Variants in ROBO1 observed in about 807,000 individuals in gnomAD.
ROBO1 encodes the protein roundabout homolog 1.
A neutral mutation model predicts 195.9 loss-of-function variants in ROBO1; 149 were observed. That is an observed-to-expected ratio of 0.76 (90% CI 0.67 to 0.87). The LOEUF (loss-of-function observed/expected upper bound fraction) is 0.87, where lower values mean the gene tolerates loss of function less well. Ranked by LOEUF, ROBO1 falls within the 40% of genes least tolerant of loss-of-function variation. ROBO1 has a pLI of 0.00. For synonymous variants in ROBO1, 816 were observed against 733.2 expected (o/e 1.11, Z -1.82); for missense variants, 1,933 against 2,068.3 (o/e 0.93, Z 1.27).
intron 3 of ROBO1, among the ~76,000 whole-genome samples, chr3:79,044,858 C>A (rs1170026843): frequency 6.6e-6 from 1 of 151,770 alleles, no homozygotes; most frequent in Non-Finnish European, 1.5e-5. Flanking sequence ...AAGTTATTTG[C>A]CACTTGACCC....
rs534671444 is a variant in ROBO1, at chr3:79,756,544, C to T, written c.-51+11208G>A. ...CAGCCTGGGCAAAATGAGCGAAGCA[C>T]CATCTCAAAAAAAAAAAAAAAAAAA... On this transcript the variant is annotated intron_variant, in intron 1 of 30. Transcript: ENST00000464233. Among the ~76,000 whole-genome samples, 17 of 98,268 alleles carry T rather than the reference C, an allele frequency of 1.7e-4. No individual in the cohort carries two copies. In the East Asian group the frequency reaches 4.3e-3, roughly 25 times the overall value. 64.5% of individuals were successfully genotyped at this position (98,268 alleles called of 152,430 possible). A position where few individuals can be genotyped will look rare whatever the true frequency, so the allele number is the denominator to read the frequency against.
intron 2 of ROBO1, among the ~76,000 whole-genome samples, chr3:79,555,936 G>C (rs1165650378): frequency 6.6e-6 from 1 of 152,036 alleles, no homozygotes; most frequent in African/African-American, 2.4e-5. Context: ...AGTGTGCCAC[G>C]CATGCTTATG....
intron 2 of ROBO1, among the ~76,000 whole-genome samples, chr3:79,563,948 T>C (rs962629802): frequency 1.3e-5 from 2 of 151,930 alleles, no homozygotes; most frequent in African/African-American, 2.4e-5. Context: ...TTATGTAAAT[T>C]GACTCTAATA....
In ROBO1 at chr3:78,600,219, G is replaced by C; in HGVS notation, c.4835C>G (p.Ser1612Ter). ...SSSSSMSSRGSGSRQREQANV... is the reference protein window; with the variant it reads ...SSSSSMSSRG ...TGCTTGTTCTCTTTGTCTGCTTCCTGATCCTCTTGATGACATTGAGCTTGA... is the reference window on the plus strand; with the variant it reads ...TGCTTGTTCTCTTTGTCTGCTTCCTCATCCTCTTGATGACATTGAGCTTGA... Residue 1612 changes from serine (S) to a stop codon, truncating the protein, a stop_gained, in exon 30 of 31, where the codon TCA (serine) becomes TGA (stop). Coordinates refer to ENST00000464233, the MANE Select transcript of ROBO1 (RefSeq NM_002941.4). LOFTEE classifies it high-confidence loss of function. 1 of 1,613,394 alleles carries C rather than the reference G, an allele frequency of 6.2e-7. No homozygotes were observed. Among genetic ancestry groups the C allele is most frequent in the Non-Finnish European group, 8.5e-7 (1 of 1,179,474 alleles).
At chr3:79,243,614 T>C (rs2082565676) in intron 2 of ROBO1, among the ~76,000 whole-genome samples, 1 of 152,190 alleles carries the variant, frequency 6.6e-6, no homozygotes, top group Non-Finnish European at 1.5e-5. Context: ...ATGTGTCTTT[T>C]GGCTGCATAA....
In ROBO1 at chr3:79,125,470, G is replaced by C. The variant is rs531923100; in HGVS notation, c.158C>G (p.Ser53Trp). Residue 53 changes from serine (S) to tryptophan (W), a missense_variant, in exon 3 of 31, where the codon TCG (serine) becomes TGG (tryptophan). Transcript: ENST00000464233. ...AGACACTCTACCTGTATAGCCCAGC[G>C]AATTGTCATCGTTATCAGAGGTGGG... is the stretch of plus-strand genomic sequence containing the variant. ...PIPTSDNDDN[S>W]LGYTGSRLRQ... 8 of 1,613,438 alleles carry C rather than the reference G, an allele frequency of 5.0e-6. No individual in the cohort carries two copies. In the African/African-American group the frequency reaches 1.1e-4, roughly 22 times the overall value.
At chr3:79,118,144 A>G (rs1473772316) in intron 3 of ROBO1, among the ~76,000 whole-genome samples, 1 of 152,102 alleles carries the variant, frequency 6.6e-6, no homozygotes, top group African/African-American at 2.4e-5. Context: ...TTACTAGGTT[A>G]GTAGAGTCAT....
At chr3:78,658,075 G>C (rs1370053762) in intron 17 of ROBO1, among the ~76,000 whole-genome samples, 1 of 152,112 alleles carries the variant, frequency 6.6e-6, no homozygotes, top group Non-Finnish European at 1.5e-5. Context: ...ATAACAAAGA[G>C]TTACCTGATT....
intron 2 of ROBO1, among the ~76,000 whole-genome samples, chr3:79,567,586 C>T (rs1943131278): frequency 6.6e-6 from 1 of 152,002 alleles, no homozygotes; most frequent in African/African-American, 2.4e-5. Context: ...AGGTTCCAGC[C>T]AATAGTATTG....
chr3:79,349,463 AATAG>A (rs1257329042), intron 2 of ROBO1, among the ~76,000 whole-genome samples: 15 of 152,194 alleles, frequency 9.9e-5, no homozygotes, highest in Admixed American at 9.2e-4. Flanking sequence ...GCTAATTTAA[AATAG>A]ATAGATAAAT....
At chr3:79,531,803 C>T (rs1941672960) in intron 2 of ROBO1, among the ~76,000 whole-genome samples, 1 of 152,118 alleles carries the variant, frequency 6.6e-6, no homozygotes, top group African/African-American at 2.4e-5. Context: ...AAGGATGACA[C>T]ATTGCTTAAG....
chr3:78,754,649 T>C (rs561299067), intron 4 of ROBO1, among the ~76,000 whole-genome samples: 20 of 152,300 alleles, frequency 1.3e-4, no homozygotes, highest in African/African-American at 4.6e-4. Context: ...AGATTTTAAA[T>C]GGTGGCTTGC....
chr3:78,703,876 T>G (rs2081481275), intron 8 of ROBO1, among the ~76,000 whole-genome samples: 1 of 152,106 alleles, frequency 6.6e-6, no homozygotes, highest in Non-Finnish European at 1.5e-5. Flanking sequence ...ACTGTAGCAC[T>G]AGTGACTTTA....
At chr3:79,637,835 C>G (rs1362731419) in intron 1 of ROBO1, among the ~76,000 whole-genome samples, 1 of 152,028 alleles carries the variant, frequency 6.6e-6, no homozygotes, top group African/African-American at 2.4e-5. Flanking sequence ...AAAGCAGTAT[C>G]AGGCACTCTG....
chr3:79,369,410 T>C (rs1386157148), intron 2 of ROBO1, among the ~76,000 whole-genome samples: 1 of 152,234 alleles, frequency 6.6e-6, no homozygotes, highest in African/African-American at 2.4e-5. Context: ...AAGTCAGCTA[T>C]AAAACTGTCT....
At chr3:79,338,274 C>A (rs976669845) in intron 2 of ROBO1, among the ~76,000 whole-genome samples, 3 of 152,146 alleles carry the variant, frequency 2.0e-5, no homozygotes, top group African/African-American at 7.2e-5. Flanking sequence ...GCATTTAATT[C>A]TCTTTTGCCT....
intron 14 of ROBO1, 35 bp from the exon 15 acceptor site, chr3:78,662,149 CACA>C: frequency 1.3e-6 from 2 of 1,541,764 alleles, no homozygotes; most frequent in Non-Finnish European, 1.8e-6. Flanking sequence ...TCAGGGTCTG[CACA>C]ACGTTACTGA....
chr3:79,696,891 C>A (rs114607678), intron 1 of ROBO1, among the ~76,000 whole-genome samples: 4 of 151,208 alleles, frequency 2.6e-5, no homozygotes, highest in African/African-American at 7.3e-5. Context: ...TTTTCTTTTG[C>A]CTTCTTTTCA....
chr3:79,452,644 C>G (rs982624622), intron 2 of ROBO1, among the ~76,000 whole-genome samples: 3 of 151,976 alleles, frequency 2.0e-5, no homozygotes, highest in Non-Finnish European at 4.4e-5. Flanking sequence ...AAAACAAAAG[C>G]ACTTAGTTTA....
Sources: gnomAD v4.1 joint callset for allele counts (sites outside exome capture counted in the v4.1 genomes callset) on GRCh38, gnomAD v4.1.1 for gene constraint, MANE v1.5 for transcripts, NCBI Gene and HGNC (gene_info 2026-07-23, HGNC 2026-07-21) for gene names.